Variants in HSPA4L observed in about 807,000 individuals in gnomAD.
The protein encoded by HSPA4L is heat shock protein family A (Hsp70) member 4 like.
Under a neutral mutation model 100.3 loss-of-function variants are expected in HSPA4L, and 48 were observed. That is an observed-to-expected ratio of 0.48 (90% confidence interval 0.38 to 0.61). The LOEUF is 0.61. Among genes scored for constraint, HSPA4L ranks in the 20% least tolerant of loss-of-function variants. HSPA4L has a pLI of 0.00. For synonymous variants in HSPA4L, 319 were observed against 328.2 expected (o/e 0.97, Z 0.30); for missense variants, 886 against 988.6 (o/e 0.90, Z 1.39).
chr4:127,812,805 A>C, intron 12 of HSPA4L: 1 of 1,402,044 alleles, frequency 7.1e-7, no homozygotes, highest in South Asian at 1.2e-5. Flanking sequence ...TGGGTGGAGC[A>C]GGCTGGCGCT....
intron 3 of HSPA4L, among the ~76,000 whole-genome samples, chr4:127,796,243 A>T (rs1733018675): frequency 6.6e-6 from 1 of 152,168 alleles, no homozygotes; most frequent in Admixed American, 6.5e-5. Flanking sequence ...GTATGTTAAT[A>T]GCTGTAATGA....
At chr4:127,829,575 A>G (rs1176038428) in intron 17 of HSPA4L, among the ~76,000 whole-genome samples, 2 of 152,146 alleles carry the variant, frequency 1.3e-5, no homozygotes, top group East Asian at 1.9e-4. Context: ...ATGTAAATCT[A>G]TCACAAAGAA....
In HSPA4L at chr4:127,808,052, T is replaced by A; in HGVS notation, c.1301T>A (p.Phe434Tyr). 1.2e-6 allele frequency: 2 copies of A among 1,613,044 alleles called. No homozygotes were observed. Among genetic ancestry groups the A allele is most frequent in the Non-Finnish European group, 1.7e-6 (2 of 1,179,310 alleles). The change falls in exon 11 of 19, where the codon TTC (phenylalanine) becomes TAC (tyrosine). Residue 434 changes from phenylalanine to tyrosine, a missense_variant. Phe to Tyr is a conservative substitution (Grantham distance 22). Transcript: ENST00000296464. Reference sequence around the variant, plus strand: ...GCCCCATTCTCAAAAGTCATTACTTTCCACAAGAAGGAACCATTTGAACTA... The same window carrying A: ...GCCCCATTCTCAAAAGTCATTACTTACCACAAGAAGGAACCATTTGAACTA... ...HPAPFSKVIT[F>Y]HKKEPFELEA...
intron 13 of HSPA4L, 107 bp downstream of exon 13, chr4:127,818,527 T>A: frequency 1.7e-6 from 1 of 576,070 alleles, no homozygotes; most frequent in Admixed American, 3.5e-5. Flanking sequence ...CTTAGAATTG[T>A]GAGAGAATAT....
At chr4:127,822,653 T>C (rs2148797127) in intron 14 of HSPA4L, 116 bp from the exon 15 acceptor site, 2 of 959,500 alleles carry the variant, frequency 2.1e-6, no homozygotes, top group Middle Eastern at 3.3e-4. Flanking sequence ...TCCTCATGAA[T>C]ACTTATTTTT....
At chr4:127,792,163 T>G (rs1418508156) in intron 1 of HSPA4L, among the ~76,000 whole-genome samples, 1 of 152,212 alleles carries the variant, frequency 6.6e-6, no homozygotes, top group African/African-American at 2.4e-5. Flanking sequence ...TTCAGAAACA[T>G]TTAATGAATC....
At chr4:127,807,904 T>C in intron 10 of HSPA4L, 92 bp from the exon 11 acceptor site, 1 of 1,270,064 alleles carries the variant, frequency 7.9e-7, no homozygotes, top group Non-Finnish European at 1.1e-6. Context: ...TTGCAGTTGC[T>C]GCTAATGAAT....
intron 10 of HSPA4L, among the ~76,000 whole-genome samples, chr4:127,807,448 G>A (rs1733390496): frequency 6.6e-6 from 1 of 152,060 alleles, no homozygotes; most frequent in African/African-American, 2.4e-5. Flanking sequence ...GCACCATAAT[G>A]TATGTATAAC....
At chr4:127,809,261 C>T (rs1376546106) in intron 11 of HSPA4L, 9 of 1,401,942 alleles carry the variant, frequency 6.4e-6, no homozygotes, top group African/African-American at 1.4e-5. Flanking sequence ...TTATGCAGAA[C>T]CAGTCTTCAA....
chr4:127,821,338 TG>T (rs1262283565), intron 14 of HSPA4L, among the ~76,000 whole-genome samples: 2 of 152,182 alleles, frequency 1.3e-5, no homozygotes, highest in Non-Finnish European at 2.9e-5. Flanking sequence ...TGGGAAATTT[TG>T]TATATAAAAT....
chr4:127,827,553 C>A, intron 17 of HSPA4L, 129 bp downstream of exon 17: 3 of 1,064,604 alleles, frequency 2.8e-6, no homozygotes, highest in Non-Finnish European at 4.0e-6. Context: ...CTTTGTGTAC[C>A]AAACTTAAAA....
At chr4:127,807,313 TA>T (rs111427036) in intron 10 of HSPA4L, among the ~76,000 whole-genome samples, 3,586 of 152,028 alleles carry the variant, frequency 0.024, 125 homozygotes, top group African/African-American at 0.082. Flanking sequence ...AAACTCCCTG[TA>T]TTGGAGGGGT....
In HSPA4L at chr4:127,834,994, T is replaced by TA. The variant is rs1734170842; in HGVS notation, c.*2124dup. The TA allele has an allele frequency of 6.6e-6, 1 of 152,182 alleles. No homozygotes were observed. Among genetic ancestry groups the TA allele is most frequent in the African/African-American group, 2.4e-5 (1 of 41,456 alleles). 9.4% of individuals were successfully genotyped at this position (152,182 alleles called of 1,614,324 possible). On this transcript the variant is annotated 3_prime_UTR_variant, in exon 19 of 19. Coordinates refer to ENST00000296464, the MANE Select transcript of HSPA4L (RefSeq NM_014278.4). ...ACTTTTTCTACCCAATTATTCAACT[T>TA]AAAAGATTTCAAAAACGATTTAGCC... is the stretch of plus-strand genomic sequence containing the variant.
rs1425886229 is a variant in HSPA4L at position 127,835,139 on chromosome 4, C to T, written c.*2265C>T. The T allele has an allele frequency of 6.6e-6, 1 of 151,874 alleles. No homozygotes were observed. The highest frequency in any genetic ancestry group is 1.5e-5 in the Non-Finnish European group (1 of 67,952). 9.4% of individuals were successfully genotyped at this position (151,874 alleles called of 1,614,324 possible). On this transcript the variant is annotated 3_prime_UTR_variant, in exon 19 of 19. Coordinates refer to ENST00000296464, the MANE Select transcript of HSPA4L (RefSeq NM_014278.4). Reference sequence around the variant, plus strand: ...CTGCATTAAAATATGCAATGCTAGACAAAGATTTTCAAAATAAAAAGCTAT... The same window carrying T: ...CTGCATTAAAATATGCAATGCTAGATAAAGATTTTCAAAATAAAAAGCTAT...
In HSPA4L at chr4:127,782,445, G is replaced by T. The variant is rs753919956; in HGVS notation, c.-106G>T. 2.2e-6 allele frequency: 2 copies of T among 896,744 alleles called. No individual in the cohort carries two copies. The highest frequency in any genetic ancestry group is 1.7e-5 in the African/African-American group (1 of 60,490). The allele number at this position is 896,744 out of a possible 1,614,324, so 55.5% of individuals were successfully genotyped here. A position where few individuals can be genotyped will look rare whatever the true frequency, so the allele number is the denominator to read the frequency against. On this transcript the variant is annotated 5_prime_UTR_variant, in exon 1 of 19. Coordinates refer to ENST00000296464, the MANE Select transcript of HSPA4L (RefSeq NM_014278.4). ...GCTTAGCGACTTGGGGTCCCCTCTC[G>T]TTTGCTTCTGGTAGGAGTCGCAATC...
rs1734213307 is a variant in HSPA4L at position 127,836,407 on chromosome 4, ATT to A, written c.*3535_*3536del. 8 of 156,570 alleles carry A rather than the reference ATT, an allele frequency of 5.1e-5. No homozygotes were observed. The South Asian group carries it at 1.6e-3, about 32-fold the overall frequency. The allele number at this position is 156,570 out of a possible 1,614,324, so 9.7% of individuals were successfully genotyped here. On this transcript the variant is annotated 3_prime_UTR_variant, in exon 19 of 19. Transcript: ENST00000296464. The stretch of plus-strand genomic sequence containing the variant: ...CAAAAACATAAAAGGAAAACAAGAC[ATT>A]TACTAAGAAGAGCTAAAGGAAAGAA...
chr4:127,840,095 C>T lies in HSPA4L; in HGVS notation c.*7221C>T, dbSNP rs1734328044. On this transcript the variant is annotated 3_prime_UTR_variant, in exon 19 of 19. Coordinates refer to ENST00000296464, the MANE Select transcript of HSPA4L (RefSeq NM_014278.4). ...ATTAGCGGGGCCATGGTGACGTGCACCTGTAATCCCAGCTACTCGGGAGGC... is the reference window on the plus strand; with the variant it reads ...ATTAGCGGGGCCATGGTGACGTGCATCTGTAATCCCAGCTACTCGGGAGGC... The T allele has an allele frequency of 1.3e-5, 2 of 152,102 alleles. No homozygotes were observed. The highest frequency in any genetic ancestry group is 2.4e-5 in the African/African-American group (1 of 41,384). The allele number at this position is 152,102 out of a possible 1,614,324, so 9.4% of individuals were successfully genotyped here. A position where few individuals can be genotyped will look rare whatever the true frequency, so the allele number is the denominator to read the frequency against.
At chr4:127,807,250 A>G (rs1733385161) in intron 10 of HSPA4L, among the ~76,000 whole-genome samples, 2 of 152,034 alleles carry the variant, frequency 1.3e-5, no homozygotes, top group Non-Finnish European at 2.9e-5. Context: ...AAATAGTCAT[A>G]AACTGTTTCT....
At chr4:127,818,080 C>T (rs569801237) in intron 12 of HSPA4L, among the ~76,000 whole-genome samples, 1 of 151,578 alleles carries the variant, frequency 6.6e-6, no homozygotes, top group African/African-American at 2.4e-5. Flanking sequence ...CAATTTTCCA[C>T]GTATTTTGCA....
Sources: allele counts gnomAD v4.1 joint callset (sites outside exome capture counted in the v4.1 genomes callset), GRCh38; gene constraint gnomAD v4.1.1; transcripts MANE v1.5; gene names NCBI Gene and HGNC (gene_info 2026-07-23, HGNC 2026-07-21).